Variants in NEK7 observed in about 807,000 individuals in gnomAD.
The protein encoded by NEK7 is NIMA related kinase 7.
Under a neutral mutation model 44.6 loss-of-function variants are expected in NEK7, and 18 were observed. That is an observed-to-expected ratio of 0.40 (90% CI 0.28 to 0.60). NEK7 has a LOEUF of 0.60. Among genes scored for constraint, NEK7 ranks in the 20% least tolerant of loss-of-function variants. NEK7 has a pLI of 0.38. For synonymous variants in NEK7, 130 were observed against 121.1 expected, an observed-to-expected ratio of 1.07 and a Z score of -0.48; for missense variants, 256 against 366.5, an observed-to-expected ratio of 0.70 and a Z score of 2.46.
At chr1:198,167,089 A>T (rs1664289957) in intron 1 of NEK7, among the ~76,000 whole-genome samples, 1 of 152,206 alleles carries the variant, frequency 6.6e-6, no homozygotes, top group African/African-American at 2.4e-5. Flanking sequence ...TGAAGGCTTA[A>T]GGGAGAATGT....
chr1:198,258,668 A>G (rs904137083), intron 3 of NEK7, among the ~76,000 whole-genome samples: 1 of 152,118 alleles, frequency 6.6e-6, no homozygotes, highest in Non-Finnish European at 1.5e-5. Flanking sequence ...ACAAAAGAAA[A>G]CCTTTAAAAT....
At chr1:198,288,416 A>G (rs902643285) in intron 7 of NEK7, among the ~76,000 whole-genome samples, 1 of 152,140 alleles carries the variant, frequency 6.6e-6, no homozygotes, top group Admixed American at 6.5e-5. Context: ...GGTTTTTCTT[A>G]TGTACATGCT....
At chr1:198,215,358 T>G (rs1424750476) in intron 1 of NEK7, among the ~76,000 whole-genome samples, 5 of 152,198 alleles carry the variant, frequency 3.3e-5, no homozygotes, top group Non-Finnish European at 5.9e-5. Context: ...GTTTAAATGC[T>G]CCACATAAAA....
chr1:198,165,646 A>G (rs751706111), intron 1 of NEK7, among the ~76,000 whole-genome samples: 11 of 152,194 alleles, frequency 7.2e-5, no homozygotes, highest in Non-Finnish European at 1.5e-4. Context: ...TTCCACTTAT[A>G]GCACACAGGC....
intron 9 of NEK7, among the ~76,000 whole-genome samples, chr1:198,315,400 G>C (rs369784569): frequency 1.3e-5 from 2 of 152,212 alleles, no homozygotes; most frequent in Admixed American, 1.3e-4. Flanking sequence ...CGTCTTCTGC[G>C]TCGCTTACGC....
intron 7 of NEK7, 81 bp from the exon 8 acceptor site, chr1:198,292,864 A>G: frequency 1.2e-6 from 1 of 804,192 alleles, no homozygotes; most frequent in Non-Finnish European, 2.1e-6. Flanking sequence ...TTTAAATTCA[A>G]AATTTTGTAT....
intron 9 of NEK7, among the ~76,000 whole-genome samples, chr1:198,300,713 AATTG>A (rs1285367041): frequency 6.6e-6 from 1 of 151,826 alleles, no homozygotes; most frequent in Non-Finnish European, 1.5e-5. Context: ...AAGGCTTAGT[AATTG>A]ATTGATTGAT....
At chr1:198,247,604 A>T (rs1205721955) in intron 2 of NEK7, among the ~76,000 whole-genome samples, 1 of 152,156 alleles carries the variant, frequency 6.6e-6, no homozygotes, top group East Asian at 1.9e-4. Context: ...AATTTGAAAA[A>T]TTTCTTGTAC....
chr1:198,189,664 A>C (rs1005598716), intron 1 of NEK7, among the ~76,000 whole-genome samples: 8 of 152,146 alleles, frequency 5.3e-5, no homozygotes, highest in Non-Finnish European at 8.8e-5. Context: ...ATGTTTTAGA[A>C]TATGTTTTCA....
intron 2 of NEK7, among the ~76,000 whole-genome samples, chr1:198,234,307 AT>A (rs11325777): frequency 0.25 from 37,839 of 149,740 alleles, 5,944 homozygotes; most frequent in East Asian, 0.79. Flanking sequence ...TTCAAGAAGA[AT>A]TTTTTTTTTT....
At chr1:198,285,806 T>A (rs544991154) in intron 7 of NEK7, among the ~76,000 whole-genome samples, 12 of 152,256 alleles carry the variant, frequency 7.9e-5, no homozygotes, top group South Asian at 2.1e-4. Context: ...TCAGTTTTTT[T>A]AAAAATACTG....
At chr1:198,198,432 T>C (rs1461787677) in intron 1 of NEK7, among the ~76,000 whole-genome samples, 1 of 152,172 alleles carries the variant, frequency 6.6e-6, no homozygotes, top group Non-Finnish European at 1.5e-5. Flanking sequence ...GCCTGTATTG[T>C]CTTCAGGTGA....
chr1:198,209,336 T>G (rs930023779), intron 1 of NEK7, among the ~76,000 whole-genome samples: 1 of 152,014 alleles, frequency 6.6e-6, no homozygotes, highest in Non-Finnish European at 1.5e-5. Flanking sequence ...TGTTTTTTAT[T>G]TAGTAGATTA....
chr1:198,243,564 A>G (rs1666747446), intron 2 of NEK7, among the ~76,000 whole-genome samples: 1 of 152,184 alleles, frequency 6.6e-6, no homozygotes, highest in Non-Finnish European at 1.5e-5. Context: ...TTTTGGTTAC[A>G]TCATTTGGAT....
chr1:198,252,619 A>G (rs1387762774), intron 2 of NEK7, among the ~76,000 whole-genome samples: 2 of 127,042 alleles, frequency 1.6e-5, no homozygotes, highest in African/African-American at 6.7e-5. Flanking sequence ...TTATTAAAAC[A>G]TGTATATGTA....
intron 2 of NEK7, among the ~76,000 whole-genome samples, chr1:198,246,480 A>C (rs1259091506): frequency 2.0e-5 from 3 of 152,224 alleles, no homozygotes; most frequent in African/African-American, 7.2e-5. Flanking sequence ...AGGCCATATC[A>C]ACCTAATCCT....
intron 1 of NEK7, among the ~76,000 whole-genome samples, chr1:198,218,978 A>G (rs1286598237): frequency 1.3e-5 from 2 of 151,910 alleles, no homozygotes; most frequent in Admixed American, 1.3e-4. Flanking sequence ...AAGTAGCACC[A>G]CCTCTGTGGA....
At chr1:198,170,695 T>C (rs1236325711) in intron 1 of NEK7, among the ~76,000 whole-genome samples, 1 of 152,244 alleles carries the variant, frequency 6.6e-6, no homozygotes, top group African/African-American at 2.4e-5. Context: ...TAATTACTAA[T>C]TGTGAATTGA....
At chr1:198,241,009 A>C (rs1421641514) in intron 2 of NEK7, among the ~76,000 whole-genome samples, 1 of 152,168 alleles carries the variant, frequency 6.6e-6, no homozygotes, top group Non-Finnish European at 1.5e-5. Context: ...AATAATTTTT[A>C]TACAATTCAC....
Sources: gnomAD v4.1 joint callset for allele counts (sites outside exome capture counted in the v4.1 genomes callset) on GRCh38, gnomAD v4.1.1 for gene constraint, MANE v1.5 for transcripts, NCBI Gene and HGNC (gene_info 2026-07-23, HGNC 2026-07-21) for gene names.